The following VWC2 variants were observed in gnomAD, a reference collection of about 807,000 sequenced individuals.
VWC2 encodes the protein von Willebrand factor C domain containing 2.
In VWC2, 14 loss-of-function variants were observed where a neutral mutation model predicts 29.8. That is an observed-to-expected ratio of 0.47 (90% CI 0.31 to 0.74). The LOEUF is 0.74. Ranked by LOEUF, VWC2 falls within the 30% of genes least tolerant of loss-of-function variation. The probability of loss-of-function intolerance (pLI) is 0.05; values close to 1 mark genes in which losing one functional copy is unlikely to be tolerated. For synonymous variants in VWC2, 213 were observed against 199.0 expected, an observed-to-expected ratio of 1.07 and a Z score of -0.59; for missense variants, 457 against 459.8, an observed-to-expected ratio of 0.99 and a Z score of 0.05.
intron 3 of VWC2, chr7:49,850,624 A>G (rs1338435773): frequency 3.3e-5 from 5 of 152,208 alleles, no homozygotes; most frequent in African/African-American, 4.8e-5. Context: ...CTAATTTCAT[A>G]TTACCTAAAG....
intron 2 of VWC2, among the ~76,000 whole-genome samples, chr7:49,792,878 G>A (rs1306482157): frequency 2.0e-5 from 3 of 152,206 alleles, no homozygotes; most frequent in African/African-American, 7.2e-5. Flanking sequence ...GCAGTCAGGG[G>A]CTTGCCTGAG....
In VWC2 at chr7:49,919,747, C is replaced by T. The variant is rs1793926699; in HGVS notation, c.*7562C>T. On this transcript the variant is annotated 3_prime_UTR_variant, in exon 4 of 4. Coordinates refer to ENST00000340652, the MANE Select transcript of VWC2 (RefSeq NM_198570.5). ...TTGTGGGTGGACAGAGGTAGTCCCA[C>T]TCATCCCCAGGGGGCTCAGCTGCCA... 1 of 152,338 alleles carries T rather than the reference C, an allele frequency of 6.6e-6. No individual in the cohort carries two copies. Among genetic ancestry groups the T allele is most frequent in the Non-Finnish European group, 1.5e-5 (1 of 68,034 alleles). The allele number at this position is 152,338 out of a possible 1,614,324, so 9.4% of individuals were successfully genotyped here.
chr7:49,800,848 C>CAAAA (rs1167626390), intron 2 of VWC2, among the ~76,000 whole-genome samples: 7 of 63,234 alleles, frequency 1.1e-4, no homozygotes, highest in Admixed American at 2.0e-4. Flanking sequence ...GTTATGGTAG[C>CAAAA]AAAAAAAAAA....
At chr7:49,899,874 A>G (rs1257017851) in intron 3 of VWC2, among the ~76,000 whole-genome samples, 3 of 151,934 alleles carry the variant, frequency 2.0e-5, no homozygotes, top group Non-Finnish European at 4.4e-5. Flanking sequence ...AATACACATT[A>G]TTCTCAAGAT....
chr7:49,788,991 GGT>G, intron 2 of VWC2, among the ~76,000 whole-genome samples: 1 of 145,546 alleles, frequency 6.9e-6, no homozygotes, highest in South Asian at 2.1e-4. Flanking sequence ...GTGTGTGTGA[GGT>G]GTGGGTGCAT....
At chr7:49,801,675 T>G (rs759428749) in intron 2 of VWC2, among the ~76,000 whole-genome samples, 3 of 152,232 alleles carry the variant, frequency 2.0e-5, no homozygotes, top group Non-Finnish European at 4.4e-5. Flanking sequence ...GTGGGCAGAA[T>G]GACCTGGAGG....
intron 3 of VWC2, among the ~76,000 whole-genome samples, chr7:49,823,626 C>T (rs1014030805): frequency 6.6e-6 from 1 of 152,058 alleles, no homozygotes; most frequent in South Asian, 2.1e-4. Flanking sequence ...AATTCAGCAG[C>T]GTTAGTGCCT....
chr7:49,794,907 A>G (rs1035664987), intron 2 of VWC2, among the ~76,000 whole-genome samples: 7 of 152,232 alleles, frequency 4.6e-5, no homozygotes, highest in African/African-American at 1.7e-4. Flanking sequence ...ACTTCCAGCC[A>G]GAAGTGACAT....
chr7:49,799,048 G>A (rs532102581), intron 2 of VWC2, among the ~76,000 whole-genome samples: 14 of 152,220 alleles, frequency 9.2e-5, no homozygotes, highest in African/African-American at 1.4e-4. Context: ...GGAGCATGGC[G>A]GAGTGGGCTC....
In VWC2 at chr7:49,918,259, A is replaced by C. The variant is rs534837712; in HGVS notation, c.*6074A>C. 1.4e-4 allele frequency: 21 copies of C among 152,322 alleles called. No homozygotes were observed. The highest frequency in any genetic ancestry group is 5.1e-4 in the African/African-American group (21 of 41,580). The allele number at this position is 152,322 out of a possible 1,614,324, so 9.4% of individuals were successfully genotyped here. A position where few individuals can be genotyped will look rare whatever the true frequency, so the allele number is the denominator to read the frequency against. ...CTAGTGAATGAGAGGCTGAGTTAAG[A>C]ATCCAAATCTGCTTTATATCAGAGC... On this transcript the variant is annotated 3_prime_UTR_variant, in exon 4 of 4. Coordinates refer to ENST00000340652, the MANE Select transcript of VWC2 (RefSeq NM_198570.5).
At chr7:49,812,205 G>T (rs777916904) in intron 3 of VWC2, among the ~76,000 whole-genome samples, 1 of 152,128 alleles carries the variant, frequency 6.6e-6, no homozygotes, top group African/African-American at 2.4e-5. Flanking sequence ...TGAGGTGATG[G>T]TATGTTTATT....
Position 49,894,747 on chromosome 7 carries a change from C to A in VWC2, c.827-17287C>A, listed in dbSNP as rs536492787. Among the ~76,000 whole-genome samples the A allele has an allele frequency of 4.6e-5, 7 of 152,192 alleles. No individual in the cohort carries two copies. The East Asian group carries it at 9.7e-4, about 21-fold the overall frequency. On this transcript the variant is annotated intron_variant, in intron 3 of 3. Coordinates refer to ENST00000340652, the MANE Select transcript of VWC2 (RefSeq NM_198570.5). ...TGTTTTGCTGGAGACACAGGAGCAG[C>A]CAGGAGGGGAGGCTCAACTAAAAAT...
chr7:49,881,482 G>A (rs1791662077), intron 3 of VWC2, among the ~76,000 whole-genome samples: 1 of 152,150 alleles, frequency 6.6e-6, no homozygotes, highest in Non-Finnish European at 1.5e-5. Flanking sequence ...CTCTACCCAT[G>A]CACAAAACGT....
chr7:49,887,817 C>G lies in VWC2; in HGVS notation c.827-24217C>G, dbSNP rs115804421. Among the ~76,000 whole-genome samples the G allele has an allele frequency of 7.5e-3, 1,149 of 152,300 alleles. 22 individuals are homozygous for G. The highest frequency in any genetic ancestry group is 0.026 in the African/African-American group (1,089 of 41,556). On this transcript the variant is annotated intron_variant, in intron 3 of 3. Coordinates refer to ENST00000340652, the MANE Select transcript of VWC2 (RefSeq NM_198570.5). ...ACTTTCTAGATATGGAACTTCTCTC[C>G]CATCCCCCAGAAATATCTATTCACA...
intron 1 of VWC2, among the ~76,000 whole-genome samples, chr7:49,774,559 C>A (rs547065757): frequency 6.6e-6 from 1 of 152,336 alleles, no homozygotes; most frequent in South Asian, 2.1e-4. Context: ...CACTGCACAC[C>A]TTGGTGCTGC....
rs1349966764 is a variant in VWC2, at chr7:49,877,507, T to TATATATATATATAG, written c.827-34516_827-34515insTAGATATATATATA. ...ATATATATATATATATATATATATA[T>TATATATATATATAG]ATATATATATAGTTATTTGGTCACT... On this transcript the variant is annotated intron_variant, in intron 3 of 3. Transcript: ENST00000340652. 2.9e-3 allele frequency among the ~76,000 whole-genome samples: 263 copies of TATATATATATATAG among 90,288 alleles called. 16 individuals are homozygous for TATATATATATATAG. Among genetic ancestry groups the TATATATATATATAG allele is most frequent in the Non-Finnish European group, 5.0e-3 (217 of 42,992 alleles). The allele number at this position is 90,288 out of a possible 152,430, so 59.2% of individuals were successfully genotyped here.
intron 3 of VWC2, among the ~76,000 whole-genome samples, chr7:49,861,286 C>T (rs998946608): frequency 1.3e-5 from 2 of 152,086 alleles, no homozygotes; most frequent in African/African-American, 4.8e-5. Flanking sequence ...TTTTCATGTG[C>T]TTATTGGCCA....
At chr7:49,898,148 T>C (rs1298921793) in intron 3 of VWC2, among the ~76,000 whole-genome samples, 1 of 152,090 alleles carries the variant, frequency 6.6e-6, no homozygotes, top group Non-Finnish European at 1.5e-5. Flanking sequence ...TGTGTGTGTA[T>C]ATATATGTGT....
At position 49,832,923 on chromosome 7, in the gene VWC2, AAGG is replaced by A. The variant is rs557982357; in HGVS notation, c.826+30086_826+30088del. 2.0e-5 allele frequency among the ~76,000 whole-genome samples: 3 copies of A among 152,352 alleles called. No homozygotes were observed. The East Asian group carries it at 5.8e-4, about 29-fold the overall frequency. On this transcript the variant is annotated intron_variant, in intron 3 of 3. Coordinates refer to ENST00000340652, the MANE Select transcript of VWC2 (RefSeq NM_198570.5). ...ATGGATCAGAAATCAACCCTGCTCC[AAGG>A]AGATCACAGTCTAAAAGTCTTCTCT...
Sources: allele counts gnomAD v4.1 joint callset (sites outside exome capture counted in the v4.1 genomes callset), GRCh38; gene constraint gnomAD v4.1.1; transcripts MANE v1.5; gene names NCBI Gene and HGNC (gene_info 2026-07-23, HGNC 2026-07-21).